Variants in COLEC12 observed in about 807,000 individuals in gnomAD.
COLEC12 encodes the protein collectin subfamily member 12.
A neutral mutation model predicts 71.1 loss-of-function variants in COLEC12; 33 were observed. The ratio of observed to expected loss-of-function variants is 0.46; its 90% CI spans 0.35 to 0.62. The LOEUF (loss-of-function observed/expected upper bound fraction) is 0.62. Ranked by LOEUF, COLEC12 falls within the 20% of genes least tolerant of loss-of-function variation. The probability of loss-of-function intolerance (pLI) is 0.00; values close to 1 mark genes in which losing one functional copy is unlikely to be tolerated. For missense variants in COLEC12, 765 were observed against 916.1 expected (o/e 0.84, Z 2.13); for synonymous variants, 350 against 353.0 (o/e 0.99, Z 0.10).
rs1241075604 is a variant in COLEC12 at position 318,150 on chromosome 18, T to TTA, written c.*1894_*1895insTA. ...CGCCACCGCGCCCGGCTAATTTTTT[T>TTA]TTTGTATTTTTAGTAGAGACGGGGT... On this transcript the variant is annotated 3_prime_UTR_variant, in exon 10 of 10. Transcript: ENST00000400256. 6.6e-6 allele frequency: 1 copy of TTA among 151,458 alleles called. No homozygotes were observed. Among genetic ancestry groups the TTA allele is most frequent in the African/African-American group, 2.4e-5 (1 of 41,248 alleles). 9.4% of individuals were successfully genotyped at this position (151,458 alleles called of 1,614,324 possible). A position where few individuals can be genotyped will look rare whatever the true frequency, so the allele number is the denominator to read the frequency against.
At chr18:352,621 T>G (rs954155861) in intron 3 of COLEC12, among the ~76,000 whole-genome samples, 1 of 152,228 alleles carries the variant, frequency 6.6e-6, no homozygotes, top group African/African-American at 2.4e-5. Flanking sequence ...GGTGTGTGTC[T>G]TTGTTTAACA....
intron 5 of COLEC12, among the ~76,000 whole-genome samples, chr18:338,864 T>C (rs558866278): frequency 1.3e-5 from 2 of 152,384 alleles, no homozygotes; most frequent in African/African-American, 4.8e-5. Flanking sequence ...ATAAACTTTT[T>C]TCTCAACTAT....
In COLEC12 at chr18:351,659, C is replaced by G. The variant is rs750682992; in HGVS notation, c.182-3496G>C. 6.5e-4 allele frequency among the ~76,000 whole-genome samples: 99 copies of G among 152,236 alleles called. No individual in the cohort carries two copies. In the Middle Eastern group the frequency reaches 0.01, roughly 16 times the overall value. On this transcript the variant is annotated intron_variant, in intron 3 of 9. Coordinates refer to ENST00000400256, the MANE Select transcript of COLEC12 (RefSeq NM_130386.3). ...CTTAGCTGACTGCAACCTCCGCCTCCCAGGTTCAAGTGATTCTCCTGCTTC... is the reference window on the plus strand; with the variant it reads ...CTTAGCTGACTGCAACCTCCGCCTCGCAGGTTCAAGTGATTCTCCTGCTTC...
chr18:477,037 C>G (rs1917318953), intron 2 of COLEC12, among the ~76,000 whole-genome samples: 1 of 152,130 alleles, frequency 6.6e-6, no homozygotes, highest in African/African-American at 2.4e-5. Context: ...CTGCCCAGAA[C>G]TTTGGGAACG....
rs116658929 is a variant in COLEC12 at position 436,816 on chromosome 18, G to C, written c.58+43891C>G. 4.0e-3 allele frequency among the ~76,000 whole-genome samples: 611 copies of C among 152,148 alleles called. 4 individuals are homozygous for C. The highest frequency in any genetic ancestry group is 0.014 in the African/African-American group (589 of 41,504). On this transcript the variant is annotated intron_variant, in intron 2 of 9. Transcript: ENST00000400256. ...TCTACCACCAGCTGCCAAGTTTCGAGGCCAAGGTCCAGGTTTTACATTTTC... is the reference window on the plus strand; with the variant it reads ...TCTACCACCAGCTGCCAAGTTTCGACGCCAAGGTCCAGGTTTTACATTTTC...
In COLEC12 at chr18:441,154, A is replaced by C. The variant is rs370684522; in HGVS notation, c.58+39553T>G. Among the ~76,000 whole-genome samples the C allele has an allele frequency of 2.0e-5, 3 of 148,274 alleles. No homozygotes were observed. In the Admixed American group the frequency reaches 2.1e-4, roughly 10 times the overall value. The stretch of plus-strand genomic sequence containing the variant: ...TCCCAGCTGCTGGGGAGGCTGAGGC[A>C]GGAGAATGGCGTGAACCCGGGAGGC... On this transcript the variant is annotated intron_variant, in intron 2 of 9. Coordinates refer to ENST00000400256, the MANE Select transcript of COLEC12 (RefSeq NM_130386.3).
intron 2 of COLEC12, among the ~76,000 whole-genome samples, chr18:376,554 T>C (rs766670845): frequency 6.6e-6 from 1 of 152,178 alleles, no homozygotes; most frequent in Non-Finnish European, 1.5e-5. Flanking sequence ...ATCATTTTGC[T>C]TCCTTAAAAA....
chr18:368,758 T>G (rs78276288), intron 2 of COLEC12, among the ~76,000 whole-genome samples: 1 of 151,834 alleles, frequency 6.6e-6, no homozygotes, highest in South Asian at 2.1e-4. Flanking sequence ...CCCAGCTACT[T>G]CTGAGGCTGA....
intron 2 of COLEC12, among the ~76,000 whole-genome samples, chr18:365,010 G>C (rs1232477959): frequency 6.6e-6 from 1 of 152,084 alleles, no homozygotes; most frequent in Non-Finnish European, 1.5e-5. Context: ...ACAAAACAAA[G>C]CAAGATAAAG....
At chr18:446,003 C>CT (rs1372623682) in intron 2 of COLEC12, among the ~76,000 whole-genome samples, 5 of 152,142 alleles carry the variant, frequency 3.3e-5, no homozygotes, top group African/African-American at 1.2e-4. Flanking sequence ...AATATGTGGC[C>CT]TTTTGTGCCT....
chr18:370,585 T>G (rs1417163078), intron 2 of COLEC12, among the ~76,000 whole-genome samples: 1 of 152,246 alleles, frequency 6.6e-6, no homozygotes, highest in Non-Finnish European at 1.5e-5. Context: ...AAACTCCCAG[T>G]ACACTGCATG....
chr18:389,365 G>A (rs929836652), intron 2 of COLEC12, among the ~76,000 whole-genome samples: 1 of 150,898 alleles, frequency 6.6e-6, no homozygotes, highest in African/African-American at 2.4e-5. Context: ...TGCAAGCTCC[G>A]CCTCCCAGGT....
intron 2 of COLEC12, among the ~76,000 whole-genome samples, chr18:427,727 C>T (rs1331743424): frequency 2.6e-5 from 4 of 152,122 alleles, no homozygotes; most frequent in South Asian, 2.1e-4. Flanking sequence ...GAATCGAATG[C>T]GCACCTATTG....
At chr18:345,262 T>C (rs1029340360) in intron 5 of COLEC12, among the ~76,000 whole-genome samples, 5 of 152,276 alleles carry the variant, frequency 3.3e-5, no homozygotes, top group African/African-American at 1.2e-4. Flanking sequence ...TGGAAAATAC[T>C]GTTAATATAT....
At chr18:379,101 T>C (rs1248150972) in intron 2 of COLEC12, among the ~76,000 whole-genome samples, 2 of 151,832 alleles carry the variant, frequency 1.3e-5, no homozygotes, top group African/African-American at 4.8e-5. Flanking sequence ...TCTCCTTTTA[T>C]TAGGAAAAGA....
intron 2 of COLEC12, among the ~76,000 whole-genome samples, chr18:459,439 G>A (rs1285574189): frequency 6.6e-6 from 1 of 152,222 alleles, no homozygotes; most frequent in Non-Finnish European, 1.5e-5. Context: ...CATGCACAAT[G>A]TCTGGCACAC....
chr18:491,908 C>T (rs1043874474), intron 1 of COLEC12, among the ~76,000 whole-genome samples: 3 of 152,170 alleles, frequency 2.0e-5, no homozygotes, highest in African/African-American at 7.2e-5. Context: ...CCTGGCTCCC[C>T]GCATGGTTTC....
chr18:349,691 AG>A (rs1361637987), intron 3 of COLEC12, among the ~76,000 whole-genome samples: 2 of 152,330 alleles, frequency 1.3e-5, no homozygotes, highest in East Asian at 3.9e-4. Flanking sequence ...GCAAAGCCAC[AG>A]GGGTGGAGCT....
Position 317,442 on chromosome 18 carries a change from C to T in COLEC12, c.*2603G>A, listed in dbSNP as rs935074896. 5 of 152,192 alleles carry T rather than the reference C, an allele frequency of 3.3e-5. No individual in the cohort carries two copies. The highest frequency in any genetic ancestry group is 4.8e-5 in the African/African-American group (2 of 41,430). The allele number at this position is 152,192 out of a possible 1,614,324, so 9.4% of individuals were successfully genotyped here. A position where few individuals can be genotyped will look rare whatever the true frequency, so the allele number is the denominator to read the frequency against. On this transcript the variant is annotated 3_prime_UTR_variant, in exon 10 of 10. Transcript: ENST00000400256. The stretch of plus-strand genomic sequence containing the variant: ...TGGAGTGACCCAGGAAACCGCATCA[C>T]CTCCCCAAGCCCCAGTCCCTGTGAA...
Sources: gnomAD v4.1 joint callset for allele counts (sites outside exome capture counted in the v4.1 genomes callset) on GRCh38, gnomAD v4.1.1 for gene constraint, MANE v1.5 for transcripts, NCBI Gene and HGNC (gene_info 2026-07-23, HGNC 2026-07-21) for gene names.